Variants in PIN4 observed in about 807,000 individuals in gnomAD.
The protein encoded by PIN4 is peptidylprolyl cis/trans isomerase, NIMA-interacting 4, also known as peptidyl-prolyl cis-trans isomerase NIMA-interacting 4.
In PIN4, 3 loss-of-function variants were observed where a neutral mutation model predicts 8.3. The observed-to-expected ratio is 0.36, with a 90% CI of 0.16 to 0.93. PIN4 has a LOEUF of 0.93. PIN4 is among the 40% of genes least tolerant of loss of function. PIN4 has a pLI of 0.44. For synonymous variants in PIN4, 18 were observed against 32.5 expected (o/e 0.55, Z 1.52); for missense variants, 75 against 100.6 (o/e 0.75, Z 1.09).
intron 3 of PIN4, among the ~76,000 whole-genome samples, chrX:72,253,498 C>T (rs927231066): frequency 9.0e-6 from 1 of 110,692 alleles, no homozygotes; most frequent in Non-Finnish European, 1.9e-5. Flanking sequence ...TGGTGGTGTG[C>T]GCCTGTAGTC....
At chrX:72,222,055 C>T (rs1006268906) in intron 3 of PIN4, among the ~76,000 whole-genome samples, 1 of 109,697 alleles carries the variant, frequency 9.1e-6, no homozygotes, top group Non-Finnish European at 1.9e-5. Context: ...AGCCTCCAGC[C>T]CCAAACCCCA....
At chrX:72,213,827 C>T (rs1163055678) in intron 3 of PIN4, among the ~76,000 whole-genome samples, 1 of 111,574 alleles carries the variant, frequency 9.0e-6, no homozygotes, top group African/African-American at 3.3e-5. Flanking sequence ...TCCGTGAGGC[C>T]AAGAACCCCA....
At chrX:72,214,918 T>A (rs979672708) in intron 3 of PIN4, among the ~76,000 whole-genome samples, 1 of 105,513 alleles carries the variant, frequency 9.5e-6, no homozygotes, top group Non-Finnish European at 2.0e-5. Context: ...ACTCAGGAGA[T>A]GGAGGTTGCA....
chrX:72,253,977 AT>A (rs1427976249), intron 3 of PIN4, among the ~76,000 whole-genome samples: 4 of 110,632 alleles, frequency 3.6e-5, no homozygotes, highest in Non-Finnish European at 7.5e-5. Context: ...AAGAAAAAAA[AT>A]AAAAGAAAAA....
intron 3 of PIN4, among the ~76,000 whole-genome samples, chrX:72,212,982 G>T (rs1281795030): frequency 8.9e-6 from 1 of 112,112 alleles, no homozygotes; most frequent in Non-Finnish European, 1.9e-5. Context: ...AGAACTGAAT[G>T]CAAAGACCCT....
downstream of PIN4, among the ~76,000 whole-genome samples, chrX:72,202,178 C>G (rs1182835735): frequency 8.9e-6 from 1 of 112,723 alleles, no homozygotes; most frequent in Admixed American, 9.4e-5. Context: ...AGCTACCAGA[C>G]AGAGAAAAGA....
At position 72,195,687 on chromosome X, in the gene PIN4, ACT is replaced by A. The variant is rs201288187; in HGVS notation, c.118-1095_118-1094del. On this transcript the variant is annotated intron_variant, in intron 2 of 3. Transcript: ENST00000373669. The stretch of plus-strand genomic sequence containing the variant: ...TTCTAGCAGGTTTTTTCTTATCCTC[ACT>A]CTGATGAAATAATAGCTAGCCGTTG... 8.9e-3 allele frequency among the ~76,000 whole-genome samples: 986 copies of A among 110,983 alleles called. 5 individuals carry two copies. Among genetic ancestry groups the A allele is most frequent in the Admixed American group, 0.015 (156 of 10,404 alleles).
intron 3 of PIN4, among the ~76,000 whole-genome samples, chrX:72,238,270 G>GC (rs2043028961): frequency 9.0e-6 from 1 of 111,037 alleles, no homozygotes; most frequent in Admixed American, 9.6e-5. Context: ...ACATTACCAC[G>GC]CCCCCCACCC....
chrX:72,212,060 A>T (rs947610673), intron 3 of PIN4, among the ~76,000 whole-genome samples: 16 of 111,042 alleles, frequency 1.4e-4, no homozygotes, highest in African/African-American at 5.2e-4. Context: ...GAATCACCTG[A>T]AGTCAGGAGT....
intron 3 of PIN4, among the ~76,000 whole-genome samples, chrX:72,216,659 T>C (rs768525638): frequency 3.6e-5 from 4 of 111,971 alleles, no homozygotes; most frequent in African/African-American, 1.3e-4. Context: ...GGTGGAATCA[T>C]ATAGTATTTG....
At chrX:72,208,824 A>G (rs2042836162) in intron 3 of PIN4, 3 of 539,460 alleles carry the variant, frequency 5.6e-6, no homozygotes, top group Non-Finnish European at 8.7e-6. Flanking sequence ...AGGATGGGAA[A>G]GATTAGCACA....
intron 3 of PIN4, among the ~76,000 whole-genome samples, chrX:72,236,243 T>TAGG (rs926104607): frequency 8.9e-6 from 1 of 111,942 alleles, no homozygotes; most frequent in African/African-American, 3.2e-5. Flanking sequence ...CACTTGAGTC[T>TAGG]AGGAGTTCAA....
intron 3 of PIN4, among the ~76,000 whole-genome samples, chrX:72,219,801 G>A (rs558958692): frequency 9.7e-6 from 1 of 103,332 alleles, no homozygotes. Context: ...GCGAGTCAAG[G>A]TTGCGCCACT....
At chrX:72,188,406 G>A (rs12839364) in intron 2 of PIN4, among the ~76,000 whole-genome samples, 29,536 of 110,146 alleles carry the variant, frequency 0.27, 2,925 homozygotes, top group East Asian at 0.51. Flanking sequence ...TGTCCAGGCT[G>A]GAGTGCAATG....
In PIN4 at chrX:72,194,569, G is replaced by A. The variant is rs763233047; in HGVS notation, c.118-2216G>A. Reference sequence around the variant, plus strand: ...AATTAGCCGCTAGCCAGGCGTGGTGGTGCATGCCTGTAATCCCAGCTACTC... The same window carrying A: ...AATTAGCCGCTAGCCAGGCGTGGTGATGCATGCCTGTAATCCCAGCTACTC... On this transcript the variant is annotated intron_variant, in intron 2 of 3. Coordinates refer to ENST00000373669, the MANE Select transcript of PIN4 (RefSeq NM_006223.4). 7.4e-5 allele frequency among the ~76,000 whole-genome samples: 8 copies of A among 108,349 alleles called. No homozygotes were observed. In the South Asian group the frequency reaches 3.3e-3, roughly 45 times the overall value. 94.1% of individuals were successfully genotyped at this position (108,349 alleles called of 115,157 possible).
chrX:72,205,137 T>C (rs2042809178), intron 3 of PIN4: 2 of 1,211,912 alleles, frequency 1.7e-6, no homozygotes, highest in East Asian at 5.9e-5. Flanking sequence ...CACACTCTTT[T>C]AGTTCTTTTC....
intron 3 of PIN4, among the ~76,000 whole-genome samples, chrX:72,235,061 A>T (rs1218780855): frequency 8.9e-6 from 1 of 112,244 alleles, no homozygotes; most frequent in Non-Finnish European, 1.9e-5. Context: ...AGCAAAATGT[A>T]TTAGTTTCCT....
At chrX:72,212,831 T>C (rs746339691) in intron 3 of PIN4, among the ~76,000 whole-genome samples, 1 of 111,026 alleles carries the variant, frequency 9.0e-6, no homozygotes, top group East Asian at 2.8e-4. Flanking sequence ...TAGACCCAGC[T>C]ACTGGGAGGC....
chrX:72,207,603 A>G (rs1431952850), intron 3 of PIN4: 3 of 1,209,774 alleles, frequency 2.5e-6, no homozygotes, highest in Non-Finnish European at 3.4e-6. Flanking sequence ...CCTTGATATG[A>G]TCTAAAGACA....
Sources: allele counts gnomAD v4.1 joint callset (sites outside exome capture counted in the v4.1 genomes callset), GRCh38; gene constraint gnomAD v4.1.1; transcripts MANE v1.5; gene names NCBI Gene and HGNC (gene_info 2026-07-23, HGNC 2026-07-21).